The following TMEM232 variants were observed in gnomAD, a reference collection of about 807,000 sequenced individuals.
The protein encoded by TMEM232 is transmembrane protein 232.
A neutral mutation model predicts 78.8 loss-of-function variants in TMEM232; 80 were observed. The ratio of observed to expected loss-of-function variants is 1.01; its 90% CI spans 0.85 to 1.22. The LOEUF (loss-of-function observed/expected upper bound fraction) is 1.22. Among genes scored for constraint, TMEM232 ranks in the 50% most tolerant of loss-of-function variants. The pLI is 0.00. For missense variants in TMEM232, 881 were observed against 742.2 expected, an observed-to-expected ratio of 1.19 and a Z score of -2.17; for synonymous variants, 297 against 254.3, an observed-to-expected ratio of 1.17 and a Z score of -1.60.
At chr5:110,550,404 T>G (rs1197944183) in intron 11 of TMEM232, among the ~76,000 whole-genome samples, 1 of 152,064 alleles carries the variant, frequency 6.6e-6, no homozygotes, top group East Asian at 1.9e-4. Context: ...AGTCCTGTAC[T>G]AAAAGTGGCT....
chr5:110,447,227 G>T (rs1759756856), intron 12 of TMEM232, among the ~76,000 whole-genome samples: 3 of 151,862 alleles, frequency 2.0e-5, no homozygotes, highest in African/African-American at 4.8e-5. Flanking sequence ...AAAGTTGATT[G>T]GTAGACATTA....
intron 1 of TMEM232, among the ~76,000 whole-genome samples, chr5:110,717,750 G>A (rs555481694): frequency 9.9e-5 from 15 of 152,028 alleles, no homozygotes; most frequent in African/African-American, 3.6e-4. Context: ...GAGATGTGAT[G>A]GTTTTATAAG....
intron 12 of TMEM232, among the ~76,000 whole-genome samples, chr5:110,450,816 T>A (rs1760193105): frequency 6.6e-6 from 1 of 152,162 alleles, no homozygotes; most frequent in Non-Finnish European, 1.5e-5. Flanking sequence ...CTGGGAAACT[T>A]TTCTAGTTCT....
downstream of TMEM232, among the ~76,000 whole-genome samples, chr5:110,416,659 ATAAT>A (rs1756226357): frequency 6.6e-6 from 1 of 152,218 alleles, no homozygotes; most frequent in African/African-American, 2.4e-5. Flanking sequence ...CACTCAGAAA[ATAAT>A]TAACTAGTAG....
Position 110,657,384 on chromosome 5 carries a change from A to AGTGTGTGTGT in TMEM232, c.125+9834_125+9843dup, listed in dbSNP as rs56213934. Among the ~76,000 whole-genome samples the AGTGTGTGTGT allele has an allele frequency of 1.3e-3, 197 of 149,302 alleles. 1 individual carries two copies. The highest frequency in any genetic ancestry group is 2.8e-3 in the African/African-American group (116 of 40,822). On this transcript the variant is annotated intron_variant, in intron 2 of 13. Coordinates refer to ENST00000455884, the MANE Select transcript of TMEM232 (RefSeq NM_001039763.4). ...CTAATGATGAATGGATATCTATCTG[A>AGTGTGTGTGT]GTGTGTGTGTGTGTGTGTGTGTGTA...
At chr5:110,561,621 A>G (rs1672029170) in intron 11 of TMEM232, among the ~76,000 whole-genome samples, 1 of 152,122 alleles carries the variant, frequency 6.6e-6, no homozygotes, top group South Asian at 2.1e-4. Context: ...TTTTGTATGT[A>G]AAAATATCAC....
intron 10 of TMEM232, among the ~76,000 whole-genome samples, chr5:110,602,738 T>C (rs911449289): frequency 6.6e-6 from 1 of 152,168 alleles, no homozygotes; most frequent in Non-Finnish European, 1.5e-5. Context: ...AGTGTGGAGA[T>C]TCCTCAAGGA....
chr5:110,577,007 T>C (rs1206698483), intron 10 of TMEM232, among the ~76,000 whole-genome samples: 1 of 151,884 alleles, frequency 6.6e-6, no homozygotes, highest in Non-Finnish European at 1.5e-5. Context: ...ACCAAAAGCA[T>C]TGCAACAAAG....
chr5:110,715,000 A>G (rs190180559), intron 1 of TMEM232, among the ~76,000 whole-genome samples: 119 of 152,314 alleles, frequency 7.8e-4, no homozygotes, highest in Admixed American at 2.0e-3. Context: ...ACAAATATAA[A>G]TTTAAATATG....
intron 10 of TMEM232, among the ~76,000 whole-genome samples, chr5:110,599,579 T>C (rs1780637126): frequency 6.6e-6 from 1 of 152,134 alleles, no homozygotes; most frequent in Non-Finnish European, 1.5e-5. Context: ...AGAATGGCAT[T>C]ACATAATGGT....
intron 8 of TMEM232, among the ~76,000 whole-genome samples, chr5:110,617,443 T>A (rs935510543): frequency 6.6e-6 from 1 of 152,074 alleles, no homozygotes; most frequent in African/African-American, 2.4e-5. Flanking sequence ...CAAAAAATGA[T>A]AAGGATGTGA....
intron 2 of TMEM232, among the ~76,000 whole-genome samples, chr5:110,653,767 T>C (rs1043383152): frequency 2.5e-4 from 38 of 152,138 alleles, no homozygotes; most frequent in Non-Finnish European, 4.7e-4. Flanking sequence ...TCTGAGCAGA[T>C]GATCTGTGCC....
chr5:110,595,078 C>A (rs531349471), intron 10 of TMEM232, among the ~76,000 whole-genome samples: 1 of 152,316 alleles, frequency 6.6e-6, no homozygotes, highest in East Asian at 1.9e-4. Context: ...GAGGAAGGAA[C>A]AGGCAGCAAT....
In TMEM232 at chr5:110,636,567, A is replaced by C. The variant is rs377611073; in HGVS notation, c.501+1631T>G. 5.9e-5 allele frequency among the ~76,000 whole-genome samples: 9 copies of C among 152,124 alleles called. 1 individual carries two copies. The highest frequency in any genetic ancestry group is 5.8e-4 in the East Asian group (3 of 5,184). ...TTATATATCAATAGAAGAAAAAATA[A>C]GGTAAAAATTAGTAAATCTGAGAAC... On this transcript the variant is annotated intron_variant, in intron 5 of 13. Transcript: ENST00000455884.
intron 1 of TMEM232, among the ~76,000 whole-genome samples, chr5:110,689,233 C>T (rs917815532): frequency 5.3e-5 from 8 of 152,100 alleles, no homozygotes; most frequent in African/African-American, 1.7e-4. Context: ...GGGCTAATAA[C>T]AATTGAGAGG....
downstream of TMEM232, among the ~76,000 whole-genome samples, chr5:110,415,263 C>T (rs1561463788): frequency 6.6e-6 from 1 of 151,766 alleles, no homozygotes; most frequent in Non-Finnish European, 1.5e-5. Context: ...TCTCGGTTCA[C>T]TGCAAGCTCT....
intron 1 of TMEM232, among the ~76,000 whole-genome samples, chr5:110,675,726 T>G (rs147475941): frequency 2.0e-5 from 3 of 152,342 alleles, no homozygotes; most frequent in Non-Finnish European, 4.4e-5. Flanking sequence ...CATTGTGAAA[T>G]GATTACTACA....
At chr5:110,525,291 T>C (rs865787307) in intron 12 of TMEM232, among the ~76,000 whole-genome samples, 22 of 151,920 alleles carry the variant, frequency 1.4e-4, no homozygotes, top group Admixed American at 3.3e-4. Context: ...AATAAATTAT[T>C]TATATCTGAC....
intron 12 of TMEM232, among the ~76,000 whole-genome samples, chr5:110,490,741 A>G (rs1339117929): frequency 6.6e-6 from 1 of 152,142 alleles, no homozygotes; most frequent in African/African-American, 2.4e-5. Context: ...TATAAAATTC[A>G]ATAAATAGTG....
Sources: allele counts gnomAD v4.1 joint callset (sites outside exome capture counted in the v4.1 genomes callset), GRCh38; gene constraint gnomAD v4.1.1; transcripts MANE v1.5; gene names NCBI Gene and HGNC (gene_info 2026-07-23, HGNC 2026-07-21).